Variants in CHRM1 observed in about 807,000 individuals in gnomAD.
CHRM1 encodes cholinergic receptor muscarinic 1, also known as muscarinic acetylcholine receptor M1.
In CHRM1, 5 loss-of-function variants were observed where a neutral mutation model predicts 31.6. That is an observed-to-expected ratio of 0.16 (90% CI 0.08 to 0.33). CHRM1 has a LOEUF of 0.33. CHRM1 is among the 10% of genes least tolerant of loss of function. The pLI is 1.00. For synonymous variants in CHRM1, 227 were observed against 249.7 expected (o/e 0.91, Z 0.86); for missense variants, 338 against 610.3 (o/e 0.55, Z 4.70).
intron 1 of CHRM1, among the ~76,000 whole-genome samples, chr11:62,919,729 G>A (rs2085921311): frequency 1.3e-5 from 2 of 152,102 alleles, no homozygotes; most frequent in Admixed American, 6.5e-5. Context: ...AGCTTACTGC[G>A]CCCCCTGCTC....
At chr11:62,920,778 G>A (rs1381215356) in intron 1 of CHRM1, 2 of 152,182 alleles carry the variant, frequency 1.3e-5, no homozygotes, top group African/African-American at 4.8e-5. Context: ...AGGGAGGACA[G>A]GAGGTTCTGG....
Position 62,919,932 on chromosome 11 carries a change from A to T in CHRM1, c.-79+1286T>A, listed in dbSNP as rs533453273. ...TCTAGGTCTGACATGACCTCTGGTTAGCCCCTTCTTGACACTTTGGACTCC... is the reference window on the plus strand; with the variant it reads ...TCTAGGTCTGACATGACCTCTGGTTTGCCCCTTCTTGACACTTTGGACTCC... On this transcript the variant is annotated intron_variant, in intron 1 of 1. Transcript: ENST00000306960. Among the ~76,000 whole-genome samples the T allele has an allele frequency of 1.1e-3, 163 of 152,300 alleles. 2 individuals carry two copies. Among genetic ancestry groups the T allele is most frequent in the African/African-American group, 3.7e-3 (152 of 41,556 alleles).
chr11:62,910,364 G>C lies in CHRM1; in HGVS notation c.737C>G (p.Pro246Arg), dbSNP rs761952375. 1 of 1,609,952 alleles carries C rather than the reference G, an allele frequency of 6.2e-7. No homozygotes were observed. Among genetic ancestry groups the C allele is most frequent in the Admixed American group, 1.7e-5 (1 of 60,022 alleles). Residue 246 changes from proline (P) to arginine (R), a missense_variant, in exon 2 of 2, where the codon CCA (proline) becomes CGA (arginine). Around this residue, in one of 4 missense-constraint regions of CHRM1, gnomAD observed 183 missense variants for 223.4 expected, o/e 0.82. Coordinates refer to ENST00000306960, the MANE Select transcript of CHRM1 (RefSeq NM_000738.3). The surrounding 1 kb of genome is among the most constrained non-coding windows in gnomAD (Gnocchi z 8.7). ...GSSSSSERSQ[P>R]GAEGSPETPP... ...AGTCTCTGGTGAGCCCTCAGCCCCT[G>C]GCTGAGACCTCTCTGAGCTGCTGCT... is the stretch of plus-strand genomic sequence containing the variant.
In CHRM1 at chr11:62,911,317, C is replaced by T; in HGVS notation, c.-78-139G>A. 11 of 572,748 alleles carry T rather than the reference C, an allele frequency of 1.9e-5. No individual in the cohort carries two copies. The South Asian group carries it at 2.6e-4, about 13-fold the overall frequency. 35.5% of individuals were successfully genotyped at this position (572,748 alleles called of 1,614,324 possible). The stretch of plus-strand genomic sequence containing the variant: ...TCACCCTCCCTTACCGGTGCCCACT[C>T]ATGGTCATTTATCATGCACTTTCCC... On this transcript the variant is annotated intron_variant, in intron 1 of 1. Coordinates refer to ENST00000306960, the MANE Select transcript of CHRM1 (RefSeq NM_000738.3).
chr11:62,913,072 C>A (rs1198551236), intron 1 of CHRM1, among the ~76,000 whole-genome samples: 1 of 150,130 alleles, frequency 6.7e-6, no homozygotes, highest in Non-Finnish European at 1.5e-5. Context: ...GTGTCTGGGA[C>A]AGTTTGCACA....
At chr11:62,915,012 T>C (rs2085893101) in intron 1 of CHRM1, among the ~76,000 whole-genome samples, 1 of 151,870 alleles carries the variant, frequency 6.6e-6, no homozygotes, top group African/African-American at 2.4e-5. Context: ...CTGTCTCTAC[T>C]AAAAATATAA....
Position 62,909,681 on chromosome 11 carries a change from C to T in CHRM1, c.*37G>A, listed in dbSNP as rs778626498. ...CTGCCCTCTTCCCACCGGCCTTTCCCGGGGACTGGGGTGGAGGGATGCAGG... is the reference window on the plus strand; with the variant it reads ...CTGCCCTCTTCCCACCGGCCTTTCCTGGGGACTGGGGTGGAGGGATGCAGG... On this transcript the variant is annotated 3_prime_UTR_variant, in exon 2 of 2. Transcript: ENST00000306960. 110 of 1,598,684 alleles carry T rather than the reference C, an allele frequency of 6.9e-5. No individual in the cohort carries two copies. The highest frequency in any genetic ancestry group is 8.4e-5 in the Non-Finnish European group (98 of 1,171,848).
intron 1 of CHRM1, among the ~76,000 whole-genome samples, chr11:62,912,157 A>G (rs769722788): frequency 3.5e-4 from 53 of 151,810 alleles, no homozygotes; most frequent in Non-Finnish European, 4.0e-4. Flanking sequence ...TCATGAGGTC[A>G]GGAGATCGAG....
At chr11:62,915,881 C>T (rs1249945491) in intron 1 of CHRM1, among the ~76,000 whole-genome samples, 1 of 152,156 alleles carries the variant, frequency 6.6e-6, no homozygotes, top group Non-Finnish European at 1.5e-5. Flanking sequence ...GTGATTTCAG[C>T]TCACTGCAAC....
At chr11:62,913,892 T>C (rs1238137997) in intron 1 of CHRM1, among the ~76,000 whole-genome samples, 1 of 151,804 alleles carries the variant, frequency 6.6e-6, no homozygotes, top group African/African-American at 2.4e-5. Context: ...TCATACAGGC[T>C]GGAGTGCAGT....
At chr11:62,917,669 C>T (rs778431648) in intron 1 of CHRM1, among the ~76,000 whole-genome samples, 14 of 136,270 alleles carry the variant, frequency 1.0e-4, no homozygotes, top group South Asian at 2.5e-4. Context: ...GGTGTTTCAC[C>T]TGGAGTTCAG....
intron 1 of CHRM1, chr11:62,917,815 T>C (rs867505398): frequency 6.6e-6 from 1 of 152,174 alleles, no homozygotes; most frequent in Non-Finnish European, 1.5e-5. Flanking sequence ...CATATTATAG[T>C]AACTGGTATT....
At position 62,909,679 on chromosome 11, in the gene CHRM1, C is replaced by G; in HGVS notation, c.*39G>C. On this transcript the variant is annotated 3_prime_UTR_variant, in exon 2 of 2. Transcript: ENST00000306960. ...CCCTGCCCTCTTCCCACCGGCCTTT[C>G]CCGGGGACTGGGGTGGAGGGATGCA... The G allele has an allele frequency of 6.3e-7, 1 of 1,597,380 alleles. No individual in the cohort carries two copies. Among genetic ancestry groups the G allele is most frequent in the Non-Finnish European group, 8.5e-7 (1 of 1,171,136 alleles).
In CHRM1 at chr11:62,917,839, C is replaced by G. The variant is rs149366638; in HGVS notation, c.-79+3379G>C. The G allele has an allele frequency of 2.6e-5, 4 of 152,276 alleles. No individual in the cohort carries two copies. The East Asian group carries it at 7.7e-4, about 29-fold the overall frequency. 9.4% of individuals were successfully genotyped at this position (152,276 alleles called of 1,614,324 possible). A position where few individuals can be genotyped will look rare whatever the true frequency, so the allele number is the denominator to read the frequency against. On this transcript the variant is annotated intron_variant, in intron 1 of 1. Coordinates refer to ENST00000306960, the MANE Select transcript of CHRM1 (RefSeq NM_000738.3). ...GTAACTGGTATTTACTGGCTGCATA[C>G]TATATACCAGACATGGCTCTAAGCA...
chr11:62,912,439 G>A (rs79555077), intron 1 of CHRM1, among the ~76,000 whole-genome samples: 3,725 of 152,148 alleles, frequency 0.024, 127 homozygotes, highest in African/African-American at 0.085. Context: ...CAGGGATGAG[G>A]GCCTCAGCTC....
chr11:62,909,646 G>A lies in CHRM1; in HGVS notation c.*72C>T, dbSNP rs2085856405. 1.3e-6 allele frequency: 2 copies of A among 1,534,806 alleles called. No individual in the cohort carries two copies. Among genetic ancestry groups the A allele is most frequent in the South Asian group, 1.2e-5 (1 of 81,108 alleles). On this transcript the variant is annotated 3_prime_UTR_variant, in exon 2 of 2. Transcript: ENST00000306960. ...GCCTGAGCAGGGCCCTGGGGCTGAG[G>A]ATGCAGCCCCTGCCCTCTTCCCACC...
At position 62,908,690 on chromosome 11, in the gene CHRM1, T is replaced by C. The variant is rs972219171; in HGVS notation, c.*1028A>G. ...GGAAGGCCCCTTAGTGCCCGCTGGT[T>C]ATGTGGCTTTATTCACAGACTCAGC... On this transcript the variant is annotated 3_prime_UTR_variant, in exon 2 of 2. Coordinates refer to ENST00000306960, the MANE Select transcript of CHRM1 (RefSeq NM_000738.3). 4 of 152,810 alleles carry C rather than the reference T, an allele frequency of 2.6e-5. No homozygotes were observed. Among genetic ancestry groups the C allele is most frequent in the African/African-American group, 9.6e-5 (4 of 41,472 alleles). 9.5% of individuals were successfully genotyped at this position (152,810 alleles called of 1,614,324 possible). A position where few individuals can be genotyped will look rare whatever the true frequency, so the allele number is the denominator to read the frequency against.
At chr11:62,912,464 G>A (rs1402274440) in intron 1 of CHRM1, among the ~76,000 whole-genome samples, 2 of 152,082 alleles carry the variant, frequency 1.3e-5, no homozygotes, top group Non-Finnish European at 2.9e-5. Flanking sequence ...CTCAGTGGGG[G>A]TCTGGGCCCA....
At chr11:62,917,959 C>G (rs1259851294) in intron 1 of CHRM1, 2 of 152,154 alleles carry the variant, frequency 1.3e-5, no homozygotes, top group African/African-American at 4.8e-5. Context: ...AAGGCCTAAC[C>G]TGAGGCTTCA....
Sources: gnomAD v4.1 joint callset for allele counts (sites outside exome capture counted in the v4.1 genomes callset) on GRCh38, gnomAD v4.1.1 for gene constraint, gnomAD v4.1.1 regional missense constraint, Gnocchi (gnomAD v3.1) non-coding constraint, MANE v1.5 for transcripts, NCBI Gene and HGNC (gene_info 2026-07-23, HGNC 2026-07-21) for gene names.